The following CDC42SE2 variants were observed in gnomAD, a reference collection of about 807,000 sequenced individuals.
CDC42SE2 encodes the protein CDC42 small effector protein 2.
CDC42SE2 carries 3 observed loss-of-function variants against 11.5 expected under a neutral mutation model. That is an observed-to-expected ratio of 0.26 (90% CI 0.12 to 0.67). The LOEUF (loss-of-function observed/expected upper bound fraction) is 0.67. CDC42SE2 is among the 30% of genes least tolerant of loss of function. The pLI is 0.80. For missense variants in CDC42SE2, 82 were observed against 106.8 expected (o/e 0.77, Z 1.02); for synonymous variants, 33 against 34.8 (o/e 0.95, Z 0.18).
the CDC42SE2 span, among the ~76,000 whole-genome samples, chr5:131,229,014 C>G: frequency 1.3e-5 from 2 of 152,200 alleles, no homozygotes. Context: ...CAGACTAATA[C>G]AATCCTGAGG....
intron 1 of CDC42SE2, among the ~76,000 whole-genome samples, chr5:131,294,957 C>T (rs1757538443): frequency 1.3e-5 from 2 of 152,034 alleles, no homozygotes; most frequent in Non-Finnish European, 2.9e-5. Context: ...GAAACCCTGT[C>T]TATACTAGAA....
chr5:131,385,387 C>G (rs1258182428), intron 3 of CDC42SE2, among the ~76,000 whole-genome samples, 156 bp from the exon 4 acceptor site: 2 of 152,128 alleles, frequency 1.3e-5, no homozygotes, highest in African/African-American at 4.8e-5. Context: ...ATATATTTGT[C>G]TTGGGGATTT....
At chr5:131,338,704 C>T (rs1758636072) in intron 2 of CDC42SE2, among the ~76,000 whole-genome samples, 1 of 152,148 alleles carries the variant, frequency 6.6e-6, no homozygotes, top group African/African-American at 2.4e-5. Flanking sequence ...GCCCAAGATC[C>T]TAGAGATACT....
chr5:131,290,509 G>A (rs1386395209), intron 1 of CDC42SE2, among the ~76,000 whole-genome samples: 2 of 144,022 alleles, frequency 1.4e-5, no homozygotes, highest in Non-Finnish European at 3.0e-5. Context: ...TTGAGACAGG[G>A]TATGGCTCTG....
intron 1 of CDC42SE2, among the ~76,000 whole-genome samples, chr5:131,294,191 A>G (rs1466498549): frequency 6.6e-6 from 1 of 152,204 alleles, no homozygotes; most frequent in Non-Finnish European, 1.5e-5. Context: ...GGATAGGCTG[A>G]ATTAAATTGG....
intron 3 of CDC42SE2, among the ~76,000 whole-genome samples, chr5:131,379,266 G>C (rs928415497): frequency 6.6e-6 from 1 of 152,252 alleles, no homozygotes; most frequent in East Asian, 1.9e-4. Flanking sequence ...AACTACCTCA[G>C]GCTGTACCAT....
intron 1 of CDC42SE2, among the ~76,000 whole-genome samples, chr5:131,270,662 G>A (rs1421926321): frequency 3.9e-5 from 6 of 152,280 alleles, no homozygotes; most frequent in South Asian, 2.1e-4. Context: ...AGCTTTTAGC[G>A]TGATCAGATA....
chr5:131,219,251 T>C, the CDC42SE2 span, among the ~76,000 whole-genome samples: 12 of 152,348 alleles, frequency 7.9e-5, no homozygotes, highest in Non-Finnish European at 1.3e-4. Context: ...TTCAACATAT[T>C]ACATAGTTGG....
chr5:131,376,199 A>T (rs989299299), intron 3 of CDC42SE2, among the ~76,000 whole-genome samples: 6 of 151,204 alleles, frequency 4.0e-5, no homozygotes, highest in Non-Finnish European at 8.8e-5. Context: ...AGATTGCACC[A>T]CCGCACTCCA....
chr5:131,310,102 C>G (rs1287484489), intron 1 of CDC42SE2, among the ~76,000 whole-genome samples: 2 of 152,032 alleles, frequency 1.3e-5, no homozygotes, highest in African/African-American at 4.8e-5. Context: ...AAATTTCCTT[C>G]TACACACTGC....
the CDC42SE2 span, among the ~76,000 whole-genome samples, chr5:131,229,938 A>G: frequency 1.8e-4 from 27 of 152,212 alleles, no homozygotes; most frequent in African/African-American, 6.3e-4. Flanking sequence ...TGTCTCAAAA[A>G]AAGAAAAAAG....
upstream of CDC42SE2, chr5:131,245,383 G>A (rs1214287106): frequency 6.6e-6 from 1 of 152,070 alleles, no homozygotes; most frequent in Non-Finnish European, 1.5e-5. Context: ...CAATTGACCA[G>A]GTTCATAGTC....
intron 1 of CDC42SE2, among the ~76,000 whole-genome samples, chr5:131,248,137 A>G (rs553057786): frequency 6.9e-6 from 1 of 145,910 alleles, no homozygotes; most frequent in Non-Finnish European, 1.5e-5. Flanking sequence ...CCTTTTTTTT[A>G]TTTTTTTATT....
intron 1 of CDC42SE2, among the ~76,000 whole-genome samples, chr5:131,283,785 G>A (rs764808850): frequency 1.5e-4 from 23 of 152,114 alleles, no homozygotes; most frequent in Admixed American, 4.6e-4. Context: ...GAGCCACTGC[G>A]CCAGGCCCAT....
intron 1 of CDC42SE2, among the ~76,000 whole-genome samples, chr5:131,272,750 T>C (rs1422463118): frequency 6.6e-6 from 1 of 152,198 alleles, no homozygotes; most frequent in Admixed American, 6.5e-5. Flanking sequence ...AAAAGGTAAA[T>C]ATTTGTTGTC....
chr5:131,358,072 C>G (rs145128591), intron 2 of CDC42SE2, among the ~76,000 whole-genome samples: 2 of 152,306 alleles, frequency 1.3e-5, no homozygotes, highest in Admixed American at 6.5e-5. Flanking sequence ...AAATGCTGTT[C>G]TTACTCAGAG....
At chr5:131,316,658 A>T (rs1047458609) in intron 2 of CDC42SE2, among the ~76,000 whole-genome samples, 4 of 152,222 alleles carry the variant, frequency 2.6e-5, no homozygotes, top group African/African-American at 9.6e-5. Context: ...AGCTGATATT[A>T]CGTAGATGTG....
the CDC42SE2 span, among the ~76,000 whole-genome samples, chr5:131,210,362 A>G: frequency 6.6e-6 from 1 of 152,234 alleles, no homozygotes; most frequent in Non-Finnish European, 1.5e-5. Context: ...CTAAATGCTT[A>G]CTAAAATATA....
chr5:131,271,020 G>T (rs1041298369), intron 1 of CDC42SE2, among the ~76,000 whole-genome samples: 4 of 152,138 alleles, frequency 2.6e-5, no homozygotes, highest in African/African-American at 9.7e-5. Flanking sequence ...TTCTGAGTTG[G>T]CGAGGTTGTG....
Sources: allele counts gnomAD v4.1 joint callset (sites outside exome capture counted in the v4.1 genomes callset), GRCh38; gene constraint gnomAD v4.1.1; transcripts MANE v1.5; gene names NCBI Gene and HGNC (gene_info 2026-07-23, HGNC 2026-07-21).